The following DYRK1A variants were observed in gnomAD, a reference collection of about 807,000 sequenced individuals.
DYRK1A encodes dual specificity tyrosine-phosphorylation-regulated kinase 1A.
A neutral mutation model predicts 79.7 loss-of-function variants in DYRK1A; 9 were observed. That is an observed-to-expected ratio of 0.11 (90% CI 0.07 to 0.20). The LOEUF (loss-of-function observed/expected upper bound fraction) is 0.20. Ranked by LOEUF, DYRK1A falls within the 10% of genes least tolerant of loss-of-function variation. The pLI is 1.00. For missense variants in DYRK1A, 622 were observed against 956.0 expected (o/e 0.65, Z 4.61); for synonymous variants, 349 against 329.7 (o/e 1.06, Z -0.63).
At chr21:37,432,449 C>T (rs567799480) in intron 2 of DYRK1A, among the ~76,000 whole-genome samples, 19 of 152,152 alleles carry the variant, frequency 1.2e-4, no homozygotes, top group Admixed American at 2.6e-4. Context: ...GAAAGATGTC[C>T]AGCAAAACTG....
chr21:37,463,715 C>T (rs535591142), intron 2 of DYRK1A, among the ~76,000 whole-genome samples: 11 of 152,314 alleles, frequency 7.2e-5, no homozygotes, highest in African/African-American at 2.2e-4. Context: ...CATGGACTTT[C>T]GTTCACTTAC....
intron 1 of DYRK1A, among the ~76,000 whole-genome samples, chr21:37,407,697 T>C (rs1031886718): frequency 6.6e-6 from 1 of 152,246 alleles, no homozygotes; most frequent in Admixed American, 6.5e-5. Flanking sequence ...CTCTTAGATA[T>C]CATGAAGAAT....
At chr21:37,379,762 G>GA (rs888874934) in intron 1 of DYRK1A, among the ~76,000 whole-genome samples, 5 of 152,120 alleles carry the variant, frequency 3.3e-5, no homozygotes, top group South Asian at 4.1e-4. Context: ...GTATTTGCCT[G>GA]AAAAAAATCT....
intron 5 of DYRK1A, among the ~76,000 whole-genome samples, chr21:37,482,129 T>C (rs1185147470): frequency 1.3e-5 from 2 of 152,242 alleles, no homozygotes; most frequent in Non-Finnish European, 2.9e-5. Context: ...TGCATGTGCT[T>C]ACTTCTCTGT....
At chr21:37,494,604 TCTC>T (rs2053202884) in intron 8 of DYRK1A, among the ~76,000 whole-genome samples, 2 of 152,108 alleles carry the variant, frequency 1.3e-5, no homozygotes, top group Non-Finnish European at 2.9e-5. Flanking sequence ...CAGTACCCCT[TCTC>T]CTCATCCCAT....
chr21:37,411,602 A>G (rs770128750), intron 1 of DYRK1A, among the ~76,000 whole-genome samples: 22 of 152,184 alleles, frequency 1.4e-4, no homozygotes, highest in Admixed American at 7.2e-4. Flanking sequence ...TGTCATATGT[A>G]TTAGGATTGT....
At chr21:37,484,686 G>GGCT (rs991654588) in intron 5 of DYRK1A, among the ~76,000 whole-genome samples, 1 of 152,142 alleles carries the variant, frequency 6.6e-6, no homozygotes, top group Non-Finnish European at 1.5e-5. Flanking sequence ...TAGCCATACA[G>GGCT]GCTGCTCTGT....
intron 1 of DYRK1A, among the ~76,000 whole-genome samples, chr21:37,373,455 T>G (rs898310475): frequency 1.3e-5 from 2 of 152,238 alleles, no homozygotes; most frequent in Non-Finnish European, 2.9e-5. Flanking sequence ...TAGATGGGCC[T>G]GTTTCTGACT....
At chr21:37,460,189 A>G (rs1256930948) in intron 2 of DYRK1A, among the ~76,000 whole-genome samples, 1 of 152,120 alleles carries the variant, frequency 6.6e-6, no homozygotes, top group Non-Finnish European at 1.5e-5. Flanking sequence ...TTGTCAGTTA[A>G]TACCTAAAAT....
At chr21:37,463,095 T>C (rs1427538079) in intron 2 of DYRK1A, among the ~76,000 whole-genome samples, 2 of 152,102 alleles carry the variant, frequency 1.3e-5, no homozygotes, top group African/African-American at 2.4e-5. Flanking sequence ...TATTTACGTC[T>C]TATATGAGCA....
intron 3 of DYRK1A, among the ~76,000 whole-genome samples, chr21:37,477,872 T>TTG (rs1569359971): frequency 6.6e-6 from 1 of 152,180 alleles, no homozygotes; most frequent in Non-Finnish European, 1.5e-5. Flanking sequence ...TTTGGGCTAA[T>TTG]TGTGTGGTAG....
chr21:37,423,692 T>A (rs1193209486), intron 2 of DYRK1A, among the ~76,000 whole-genome samples: 12 of 152,168 alleles, frequency 7.9e-5, no homozygotes, highest in Non-Finnish European at 1.6e-4. Flanking sequence ...GAAATGAACT[T>A]CTTTAACAAC....
chr21:37,484,064 G>A (rs112617838), intron 5 of DYRK1A, among the ~76,000 whole-genome samples: 21 of 152,262 alleles, frequency 1.4e-4, no homozygotes, highest in East Asian at 5.8e-4. Context: ...CCTGAGCTCC[G>A]CCCCGTCAGA....
intron 2 of DYRK1A, among the ~76,000 whole-genome samples, chr21:37,466,401 T>A (rs1197732135): frequency 1.3e-5 from 2 of 151,996 alleles, no homozygotes; most frequent in Non-Finnish European, 2.9e-5. Flanking sequence ...TATGGGGAGA[T>A]GATATAAAAA....
At chr21:37,466,800 AT>A (rs911079482) in intron 2 of DYRK1A, among the ~76,000 whole-genome samples, 31 of 151,882 alleles carry the variant, frequency 2.0e-4, no homozygotes, top group Admixed American at 4.6e-4. Flanking sequence ...TGAGACCAAA[AT>A]TTAAAAAAAA....
In DYRK1A at chr21:37,514,876, A is replaced by C. The variant is rs1357660238; in HGVS notation, c.*2345A>C. 2.6e-5 allele frequency: 4 copies of C among 152,612 alleles called. No individual in the cohort carries two copies. The highest frequency in any genetic ancestry group is 5.9e-5 in the Non-Finnish European group (4 of 68,040). 9.5% of individuals were successfully genotyped at this position (152,612 alleles called of 1,614,324 possible). ...TGCTGGTTGCCACATCTTAGCAAGC[A>C]CCAAAAAACTAAAGCAGTTTTTAAA... On this transcript the variant is annotated 3_prime_UTR_variant, in exon 12 of 12. Transcript: ENST00000647188.
chr21:37,426,241 T>C (rs868847024), intron 2 of DYRK1A, among the ~76,000 whole-genome samples: 9 of 152,206 alleles, frequency 5.9e-5, no homozygotes, highest in Admixed American at 1.3e-4. Context: ...AGAACTCTTA[T>C]TGAAGTCAGA....
rs996941857 is a variant in DYRK1A, at chr21:37,399,659, G to A, written c.-76-20640G>A. Among the ~76,000 whole-genome samples the A allele has an allele frequency of 4.6e-5, 7 of 152,294 alleles. No homozygotes were observed. In the South Asian group the frequency reaches 8.3e-4, roughly 18 times the overall value. ...ACTGTTTAGGATTGGGTAGCTCAGT[G>A]TTGGGTTTCACTGAGCATGAGAGGC... On this transcript the variant is annotated intron_variant, in intron 1 of 11. Transcript: ENST00000647188.
intron 1 of DYRK1A, among the ~76,000 whole-genome samples, chr21:37,408,453 G>A (rs895167203): frequency 6.6e-6 from 1 of 152,178 alleles, no homozygotes; most frequent in Non-Finnish European, 1.5e-5. Flanking sequence ...TTTAGTGTAA[G>A]TAATGCCACA....
Sources: gnomAD v4.1 joint callset for allele counts (sites outside exome capture counted in the v4.1 genomes callset) on GRCh38, gnomAD v4.1.1 for gene constraint, MANE v1.5 for transcripts, NCBI Gene and HGNC (gene_info 2026-07-23, HGNC 2026-07-21) for gene names.